PPP2R2B: variants seen among roughly 807,000 people sequenced by gnomAD.
The protein encoded by PPP2R2B is serine/threonine-protein phosphatase 2A 55 kDa regulatory subunit B beta isoform.
PPP2R2B carries 5 observed loss-of-function variants against 46.0 expected under a neutral mutation model. The ratio of observed to expected loss-of-function variants is 0.11; its 90% CI spans 0.06 to 0.23. PPP2R2B has a LOEUF of 0.23. Among genes scored for constraint, PPP2R2B ranks in the 10% least tolerant of loss-of-function variants. PPP2R2B has a pLI of 1.00. For missense variants in PPP2R2B, 367 were observed against 575.0 expected (o/e 0.64, Z 3.70); for synonymous variants, 215 against 206.7 (o/e 1.04, Z -0.34).
At position 146,976,132 on chromosome 5, in the gene PPP2R2B, A is replaced by G. The variant is rs566529312; in HGVS notation, c.79+79533T>C. Among the ~76,000 whole-genome samples, 33 of 147,324 alleles carry G rather than the reference A, an allele frequency of 2.2e-4. 1 individual carries two copies. The East Asian group carries it at 5.5e-3, about 25-fold the overall frequency. ...ATTTATTATTATTATTATTATTATT[A>G]TTATTATTATTATTATTATTTCTGA... On this transcript the variant is annotated intron_variant, in intron 1 of 8. Coordinates refer to the PPP2R2B transcript ENST00000336640.
Position 146,738,753 on chromosome 5 carries a change from G to A in PPP2R2B, c.71-37611C>T, listed in dbSNP as rs191824548. Among the ~76,000 whole-genome samples the A allele has an allele frequency of 2.1e-3, 315 of 152,122 alleles. 1 individual carries two copies. The highest frequency in any genetic ancestry group is 7.0e-3 in the African/African-American group (291 of 41,512). ...TCTAATTATAGACCATACTTCTCAG[G>A]GAGGATATAGGTAGAGTTCTTTATT... On this transcript the variant is annotated intron_variant, in intron 2 of 9. Transcript: ENST00000394411.
intron 8 of PPP2R2B, among the ~76,000 whole-genome samples, chr5:146,595,344 C>G (rs1181769988): frequency 5.9e-5 from 9 of 152,174 alleles, no homozygotes; most frequent in Admixed American, 5.9e-4. Flanking sequence ...TTTTTAAGGT[C>G]TAGTTCCATA....
intron 1 of PPP2R2B, among the ~76,000 whole-genome samples, chr5:147,008,652 A>C (rs1399055637): frequency 2.0e-5 from 3 of 152,152 alleles, no homozygotes; most frequent in Non-Finnish European, 4.4e-5. Flanking sequence ...ACCTCTTCTA[A>C]GAGGCCTTCC....
At chr5:146,768,718 C>G (rs1754648418) in intron 2 of PPP2R2B, among the ~76,000 whole-genome samples, 1 of 152,148 alleles carries the variant, frequency 6.6e-6, no homozygotes, top group Admixed American at 6.5e-5. Flanking sequence ...CCAACTTTGA[C>G]TATTATTTTC....
At chr5:146,706,324 A>G (rs1451589001) in intron 2 of PPP2R2B, 4 of 562,496 alleles carry the variant, frequency 7.1e-6, no homozygotes. Context: ...CGCCAGAGCG[A>G]GAGCTGGAGC....
At chr5:146,922,920 A>T (rs1019976780) in intron 1 of PPP2R2B, among the ~76,000 whole-genome samples, 3 of 152,202 alleles carry the variant, frequency 2.0e-5, no homozygotes, top group African/African-American at 7.2e-5. Flanking sequence ...ATTCATGTAG[A>T]ACAATAAAGA....
At chr5:146,629,725 C>T (rs1040836568) in intron 7 of PPP2R2B, among the ~76,000 whole-genome samples, 6 of 151,406 alleles carry the variant, frequency 4.0e-5, no homozygotes, top group Admixed American at 2.0e-4. Context: ...CTTTCTCCCT[C>T]CCTCTCTTCC....
intron 1 of PPP2R2B, among the ~76,000 whole-genome samples, chr5:146,983,432 G>A (rs1364379950): frequency 1.2e-4 from 18 of 152,034 alleles, no homozygotes; most frequent in African/African-American, 1.4e-4. Flanking sequence ...TGCCCGCCTT[G>A]GCCTCCCAAA....
rs1580814335 is a variant in PPP2R2B at position 147,021,251 on chromosome 5, G to A, written c.79+34414C>T. Among the ~76,000 whole-genome samples the A allele has an allele frequency of 2.0e-5, 3 of 152,246 alleles. No homozygotes were observed. The South Asian group carries it at 6.2e-4, about 32-fold the overall frequency. The stretch of plus-strand genomic sequence containing the variant: ...TTGCTCTTTCAGTTTGAAGGCCTTT[G>A]ATGAACCCTGGGGTAAGAAAGGGGC... On this transcript the variant is annotated intron_variant, in intron 1 of 8. Coordinates refer to the PPP2R2B transcript ENST00000336640.
At chr5:146,820,065 G>T (rs1437279886) in intron 2 of PPP2R2B, among the ~76,000 whole-genome samples, 1 of 152,116 alleles carries the variant, frequency 6.6e-6, no homozygotes. Context: ...CAGAAATAGG[G>T]GATTGGGAGA....
intron 2 of PPP2R2B, among the ~76,000 whole-genome samples, chr5:146,747,574 A>G (rs1753269152): frequency 6.6e-6 from 1 of 152,208 alleles, no homozygotes; most frequent in Non-Finnish European, 1.5e-5. Flanking sequence ...GTATTTTTGC[A>G]AAGCTGGAGT....
intron 2 of PPP2R2B, among the ~76,000 whole-genome samples, chr5:147,077,275 T>TAC (rs370176510): frequency 0.01 from 1,428 of 140,444 alleles, 13 homozygotes; most frequent in African/African-American, 0.02. Context: ...TATGTGTGTA[T>TAC]ACACACACAC....
At chr5:146,597,050 G>A (rs1771244312) in intron 8 of PPP2R2B, among the ~76,000 whole-genome samples, 1 of 152,158 alleles carries the variant, frequency 6.6e-6, no homozygotes, top group African/African-American at 2.4e-5. Flanking sequence ...TGTTGCTCCA[G>A]ACAACTATTC....
intron 2 of PPP2R2B, among the ~76,000 whole-genome samples, chr5:146,794,593 G>T (rs565457198): frequency 6.6e-6 from 1 of 152,100 alleles, no homozygotes; most frequent in Non-Finnish European, 1.5e-5. Flanking sequence ...TCAGAAATGC[G>T]CATATAACTC....
At chr5:146,635,714 T>C (rs1206666829) in intron 7 of PPP2R2B, among the ~76,000 whole-genome samples, 1 of 152,226 alleles carries the variant, frequency 6.6e-6, no homozygotes, top group East Asian at 1.9e-4. Context: ...GTCCCAACCC[T>C]TCACTCTCTG....
chr5:146,780,505 C>T (rs1755445256), intron 2 of PPP2R2B, among the ~76,000 whole-genome samples: 1 of 152,096 alleles, frequency 6.6e-6, no homozygotes, highest in South Asian at 2.1e-4. Flanking sequence ...AAAATGACTC[C>T]CTCAACTTGC....
chr5:146,948,398 C>G lies in PPP2R2B; in HGVS notation c.79+107267G>C, dbSNP rs111340013. On this transcript the variant is annotated intron_variant, in intron 1 of 8. Coordinates refer to the PPP2R2B transcript ENST00000336640. Reference sequence around the variant, plus strand: ...TAGGTTAGTTGGGAGGATGAAATGACTTAATGCATGTGAAGTCCTTGATAC... The same window carrying G: ...TAGGTTAGTTGGGAGGATGAAATGAGTTAATGCATGTGAAGTCCTTGATAC... Among the ~76,000 whole-genome samples the G allele has an allele frequency of 3.3e-5, 5 of 152,148 alleles. 1 individual carries two copies. Among genetic ancestry groups the G allele is most frequent in the African/African-American group, 1.2e-4 (5 of 41,524 alleles).
chr5:146,682,073 C>G (rs931761061), intron 5 of PPP2R2B, among the ~76,000 whole-genome samples: 1 of 152,096 alleles, frequency 6.6e-6, no homozygotes, highest in East Asian at 1.9e-4. Flanking sequence ...AAAGAGAACT[C>G]GATCCTAAAC....
intron 2 of PPP2R2B, chr5:146,856,546 T>C (rs529961031): frequency 8.1e-6 from 13 of 1,612,906 alleles, no homozygotes; most frequent in African/African-American, 1.3e-5. Context: ...GCTTCATTAT[T>C]GGGCCACTAT....
Sources: allele counts gnomAD v4.1 joint callset (sites outside exome capture counted in the v4.1 genomes callset), GRCh38; gene constraint gnomAD v4.1.1; transcripts MANE v1.5; gene names NCBI Gene and HGNC (gene_info 2026-07-23, HGNC 2026-07-21).